ZNF805: variants seen among roughly 807,000 people sequenced by gnomAD.
ZNF805 encodes the protein CTC-444N24.8.
A neutral mutation model predicts 13.6 loss-of-function variants in ZNF805; 7 were observed. The ratio of observed to expected loss-of-function variants is 0.51; its 90% CI spans 0.29 to 0.97. ZNF805 has a LOEUF of 0.97. Among genes scored for constraint, ZNF805 ranks in the 50% least tolerant of loss-of-function variants. The probability of loss-of-function intolerance (pLI) is 0.08; values close to 1 mark genes in which losing one functional copy is unlikely to be tolerated. For missense variants in ZNF805, 604 were observed against 771.0 expected (o/e 0.78, Z 2.57); for synonymous variants, 293 against 279.8 (o/e 1.05, Z -0.47).
chr19:57,254,682 C>T lies in ZNF805; in HGVS notation c.1863C>T (p.Thr621=). ...MASDRTYQRE[T]PQVSSL ...CTGATCGTACATACCAAAGAGAAACCCCACAAGTGTCTTCACTGTGAGAAA... is the reference window on the plus strand; with the variant it reads ...CTGATCGTACATACCAAAGAGAAACTCCACAAGTGTCTTCACTGTGAGAAA... Residue 621 remains threonine, a synonymous_variant, in exon 4 of 4, where the codon ACC becomes ACT. Coordinates refer to ENST00000414468, the MANE Select transcript of ZNF805 (RefSeq NM_001023563.4). The T allele has an allele frequency of 6.2e-7, 1 of 1,610,936 alleles. No individual in the cohort carries two copies. The highest frequency in any genetic ancestry group is 8.5e-7 in the Non-Finnish European group (1 of 1,178,562).
Position 57,241,833 on chromosome 19 carries a change from C to G in ZNF805, c.30+912C>G, listed in dbSNP as rs1490305172. On this transcript the variant is annotated intron_variant, in intron 1 of 3. Coordinates refer to ENST00000414468, the MANE Select transcript of ZNF805 (RefSeq NM_001023563.4). Reference sequence around the variant, plus strand: ...CCTTTCACATCTTGTTGGCTCTGCTCAAATGTCACTTCTTTAAAGCGGCCT... The same window carrying G: ...CCTTTCACATCTTGTTGGCTCTGCTGAAATGTCACTTCTTTAAAGCGGCCT... 3.9e-5 allele frequency among the ~76,000 whole-genome samples: 6 copies of G among 152,328 alleles called. No individual in the cohort carries two copies. The South Asian group carries it at 1.2e-3, about 32-fold the overall frequency.
rs1399877867 is a variant in ZNF805 at position 57,258,690 on chromosome 19, C to T, written c.*3987C>T. 6.6e-6 allele frequency among the ~76,000 whole-genome samples: 1 copy of T among 152,032 alleles called. No individual in the cohort carries two copies. The highest frequency in any genetic ancestry group is 1.5e-5 in the Non-Finnish European group (1 of 68,008). On this transcript the variant is annotated 3_prime_UTR_variant, in exon 4 of 4. Transcript: ENST00000414468. The stretch of plus-strand genomic sequence containing the variant: ...AGTAATTCCTCTTCAAAATTGAGCA[C>T]CATGTTGGAAAATGTAATTTTTGCT...
In ZNF805 at chr19:57,254,438, A is replaced by G. The variant is rs920537428; in HGVS notation, c.1619A>G (p.Glu540Gly). 6.2e-7 allele frequency: 1 copy of G among 1,614,204 alleles called. No individual in the cohort carries two copies. Among genetic ancestry groups the G allele is most frequent in the African/African-American group, 1.3e-5 (1 of 75,040 alleles). Residue 540 changes from glutamate to glycine, a missense_variant, in exon 4 of 4, where the codon GAG becomes GGG. Glu to Gly is a moderately conservative substitution (Grantham distance 98). Coordinates refer to ENST00000414468, the MANE Select transcript of ZNF805 (RefSeq NM_001023563.4). ...SIIHTGEKPYECSECGKAFSR... is the reference protein window; with the variant it reads ...SIIHTGEKPYGCSECGKAFSR... ...ATCCACACTGGAGAGAAGCCGTATG[A>G]GTGCAGTGAATGTGGAAAGGCCTTC...
intron 2 of ZNF805, 140 bp downstream of exon 2, chr19:57,244,189 T>A: frequency 6.2e-4 from 341 of 547,252 alleles, no homozygotes; most frequent in Non-Finnish European, 9.3e-4. Flanking sequence ...TCTACAACAC[T>A]CACCTCTTCC....
rs1467234335 is a variant in ZNF805, at chr19:57,257,446, T to C, written c.*2743T>C. Among the ~76,000 whole-genome samples, 1 of 152,246 alleles carries C rather than the reference T, an allele frequency of 6.6e-6. No homozygotes were observed. Among genetic ancestry groups the C allele is most frequent in the African/African-American group, 2.4e-5 (1 of 41,466 alleles). On this transcript the variant is annotated 3_prime_UTR_variant, in exon 4 of 4. Transcript: ENST00000414468. ...ATTTAAAGCTCTGTTGTTTGGTATA[T>C]ACACATGTAGGTTTGCTTAGTATTC...
intron 2 of ZNF805, among the ~76,000 whole-genome samples, chr19:57,247,561 A>G (rs2087626772): frequency 6.6e-6 from 1 of 152,206 alleles, no homozygotes; most frequent in Non-Finnish European, 1.5e-5. Flanking sequence ...TGCCAGGGTC[A>G]AGGGTTATTT....
intron 2 of ZNF805, among the ~76,000 whole-genome samples, chr19:57,245,605 C>T (rs1344063508): frequency 6.7e-6 from 1 of 148,590 alleles, no homozygotes; most frequent in Non-Finnish European, 1.5e-5. Flanking sequence ...CGGTGCAACC[C>T]TGTCTCTACT....
At chr19:57,241,920 A>G (rs547808866) in intron 1 of ZNF805, among the ~76,000 whole-genome samples, 7 of 152,332 alleles carry the variant, frequency 4.6e-5, no homozygotes, top group Non-Finnish European at 7.4e-5. Flanking sequence ...GCGTTTTTGT[A>G]TAGAGAATCT....
At chr19:57,252,942 G>T (rs757438873) in intron 3 of ZNF805, 131 bp from the exon 4 acceptor site, 16 of 772,218 alleles carry the variant, frequency 2.1e-5, no homozygotes, top group Non-Finnish European at 2.9e-5. Flanking sequence ...TAGATCTGGG[G>T]TTCAAGATGG....
intron 3 of ZNF805, among the ~76,000 whole-genome samples, chr19:57,251,844 G>C (rs2122839955): frequency 6.6e-6 from 1 of 152,272 alleles, no homozygotes. Context: ...AATTTTTCTA[G>C]CTCTAATTCC....
At position 57,254,171 on chromosome 19, in the gene ZNF805, G is replaced by A. The variant is rs749985728; in HGVS notation, c.1352G>A (p.Gly451Glu). The stretch of plus-strand genomic sequence containing the variant: ...ATCTTGCATAAAAGGGCCCACACTG[G>A]AGAAAAACCTTTCGAGTGCAAAGAG... ...TFILHKRAHT[G>E]EKPFECKECG... Residue 451 changes from glycine to glutamate, a missense_variant, in exon 4 of 4, where the codon GGA (glycine) becomes GAA (glutamate). Transcript: ENST00000414468. The A allele has an allele frequency of 6.2e-7, 1 of 1,613,948 alleles. No homozygotes were observed. Among genetic ancestry groups the A allele is most frequent in the East Asian group, 2.2e-5 (1 of 44,864 alleles).
rs1435279779 is a variant in ZNF805 at position 57,259,096 on chromosome 19, T to C, written c.*4393T>C. Among the ~76,000 whole-genome samples, 1 of 152,242 alleles carries C rather than the reference T, an allele frequency of 6.6e-6. No individual in the cohort carries two copies. Among genetic ancestry groups the C allele is most frequent in the Non-Finnish European group, 1.5e-5 (1 of 68,046 alleles). ...TGCGTTCAAAGTGTTTTGTTTTTTT[T>C]GTAGTGTTCAGAAGTTTGGTTATGA... On this transcript the variant is annotated 3_prime_UTR_variant, in exon 4 of 4. Coordinates refer to ENST00000414468, the MANE Select transcript of ZNF805 (RefSeq NM_001023563.4).
At position 57,253,652 on chromosome 19, in the gene ZNF805, A is replaced by T; in HGVS notation, c.833A>T (p.Gln278Leu). The T allele has an allele frequency of 6.2e-7, 1 of 1,614,060 alleles. No individual in the cohort carries two copies. The highest frequency in any genetic ancestry group is 8.5e-7 in the Non-Finnish European group (1 of 1,180,006). The change falls in exon 4 of 4, where the codon CAG (glutamine) becomes CTG (leucine). Residue 278 changes from glutamine to leucine, a missense_variant. Gln to Leu is a moderately radical substitution (Grantham distance 113). This residue lies in a region of ZNF805 where 327 missense variants were observed against 378.2 expected (regional missense o/e 0.86). Coordinates refer to ENST00000414468, the MANE Select transcript of ZNF805 (RefSeq NM_001023563.4). This position sits in a 1 kb window ranked among gnomAD's most constrained non-coding sequence, Gnocchi z 4.4. ...FNRKSHLTQHQRIHSGEKPYK... is the reference protein window; with the variant it reads ...FNRKSHLTQHLRIHSGEKPYK... ...CGGAAGTCACACCTTACCCAGCACC[A>T]GCGGATTCACAGTGGAGAGAAGCCT...
chr19:57,253,174 G>T lies in ZNF805; in HGVS notation c.355G>T (p.Asp119Tyr). The change falls in exon 4 of 4, where the codon GAC (aspartate) becomes TAC (tyrosine). Residue 119 changes from aspartate to tyrosine, a missense_variant. Asp to Tyr is a radical substitution (Grantham distance 160). Coordinates refer to ENST00000414468, the MANE Select transcript of ZNF805 (RefSeq NM_001023563.4). This position sits in a 1 kb window ranked among gnomAD's most constrained non-coding sequence, Gnocchi z 4.4. ...WGQLTQGASGDSQLGQPKDQD... is the reference protein window; with the variant it reads ...WGQLTQGASGYSQLGQPKDQD... ...ACAACTAACACAAGGAGCTTCAGGGGACTCCCAGTTGGGGCAACCCAAGGA... is the reference window on the plus strand; with the variant it reads ...ACAACTAACACAAGGAGCTTCAGGGTACTCCCAGTTGGGGCAACCCAAGGA... 1 of 1,558,562 alleles carries T rather than the reference G, an allele frequency of 6.4e-7. No homozygotes were observed. Among genetic ancestry groups the T allele is most frequent in the Non-Finnish European group, 8.7e-7 (1 of 1,152,052 alleles).
In ZNF805 at chr19:57,241,036, G is replaced by C. The variant is rs74706800; in HGVS notation, c.30+115G>C. 9.4e-3 allele frequency: 10,976 copies of C among 1,172,468 alleles called. 68 individuals are homozygous for C. Among genetic ancestry groups the C allele is most frequent in the Non-Finnish European group, 0.011 (8,758 of 822,768 alleles). 72.6% of individuals were successfully genotyped at this position (1,172,468 alleles called of 1,614,324 possible). Reference sequence around the variant, plus strand: ...CCTCTTTGTAGTTTTGTTTGTTTACGAAACGTGGAGCAGGCTCGTCACTTA... The same window carrying C: ...CCTCTTTGTAGTTTTGTTTGTTTACCAAACGTGGAGCAGGCTCGTCACTTA... On this transcript the variant is annotated intron_variant, in intron 1 of 3. Coordinates refer to ENST00000414468, the MANE Select transcript of ZNF805 (RefSeq NM_001023563.4).
Position 57,240,848 on chromosome 19 carries a change from T to TGCTCGCCGCAGCCCCCGCCCC in ZNF805, c.-40_-20dup. The TGCTCGCCGCAGCCCCCGCCCC allele has an allele frequency of 3.9e-6, 6 of 1,542,642 alleles. No individual in the cohort carries two copies. Among genetic ancestry groups the TGCTCGCCGCAGCCCCCGCCCC allele is most frequent in the East Asian group, 2.5e-5 (1 of 40,214 alleles). ...TCGGCTGAGCCCGCGAGACCCGCCCTGCTCGCCGCAGCCCCCGCCCCGCTA... is the reference window on the plus strand; with the variant it reads ...TCGGCTGAGCCCGCGAGACCCGCCCTGCTCGCCGCAGCCCCCGCCCCGCTCGCCGCAGCCCCCGCCCCGCTA... On this transcript the variant is annotated 5_prime_UTR_variant, in exon 1 of 4. Transcript: ENST00000414468.
At position 57,255,012 on chromosome 19, in the gene ZNF805, T is replaced by G. The variant is rs561808159; in HGVS notation, c.*309T>G. On this transcript the variant is annotated 3_prime_UTR_variant, in exon 4 of 4. Transcript: ENST00000414468. ...AGTTAGTAAGGGAAGGTCTGGAAAC[T>G]TACTCAATGTCTTTGTTCTACAACA... 1 of 256,244 alleles carries G rather than the reference T, an allele frequency of 3.9e-6. No individual in the cohort carries two copies. The highest frequency in any genetic ancestry group is 8.5e-5 in the East Asian group (1 of 11,812). The allele number at this position is 256,244 out of a possible 1,614,324, so 15.9% of individuals were successfully genotyped here.
chr19:57,242,563 T>C (rs10412465), intron 1 of ZNF805, among the ~76,000 whole-genome samples: 69,115 of 152,102 alleles, frequency 0.45, 16,541 homozygotes, highest in Non-Finnish European at 0.53. Context: ...ACTTGAGTTT[T>C]CTGGTCCTGA....
Position 57,253,170 on chromosome 19 carries a change from AG to A in ZNF805, c.355del (p.Asp119ThrfsTer21). On this transcript the variant is annotated frameshift_variant, in exon 4 of 4. Transcript: ENST00000414468. LOFTEE classifies it low-confidence loss of function (END_TRUNC). This position sits in a 1 kb window ranked among gnomAD's most constrained non-coding sequence, Gnocchi z 4.4. ...GGGGACAACTAACACAAGGAGCTTC[AG>A]GGGACTCCCAGTTGGGGCAACCCAA... Reference protein sequence around the residue: ...FWGQLTQGASGDSQLGQPKDQ... With the variant: ...FWGQLTQGASXDSQLGQPKDQ... The A allele has an allele frequency of 6.4e-7, 1 of 1,557,302 alleles. No individual in the cohort carries two copies. Among genetic ancestry groups the A allele is most frequent in the Non-Finnish European group, 8.7e-7 (1 of 1,151,598 alleles).
Sources: gnomAD v4.1 joint callset for allele counts (sites outside exome capture counted in the v4.1 genomes callset) on GRCh38, gnomAD v4.1.1 for gene constraint, gnomAD v4.1.1 regional missense constraint, Gnocchi (gnomAD v3.1) non-coding constraint, MANE v1.5 for transcripts, NCBI Gene and HGNC (gene_info 2026-07-23, HGNC 2026-07-21) for gene names.